The following TMPRSS7 variants were observed in gnomAD, a reference collection of about 807,000 sequenced individuals.
TMPRSS7 encodes the protein transmembrane protease serine 7.
Under a neutral mutation model 95.6 loss-of-function variants are expected in TMPRSS7, and 81 were observed. The observed-to-expected ratio is 0.85, with a 90% confidence interval of 0.71 to 1.02. The LOEUF (loss-of-function observed/expected upper bound fraction) is 1.02, where lower values mean the gene tolerates loss of function less well. TMPRSS7 is among the 50% of genes least tolerant of loss of function. The probability of loss-of-function intolerance (pLI) is 0.00; values close to 1 mark genes in which losing one functional copy is unlikely to be tolerated. For missense variants in TMPRSS7, 945 were observed against 955.2 expected, an observed-to-expected ratio of 0.99 and a Z score of 0.14; for synonymous variants, 364 against 337.8, an observed-to-expected ratio of 1.08 and a Z score of -0.85.
intron 2 of TMPRSS7, chr3:112,039,703 T>G (rs952977933): frequency 6.6e-6 from 1 of 152,264 alleles, no homozygotes; most frequent in Non-Finnish European, 1.5e-5. Context: ...TGTAGGTACT[T>G]CTTCATCTGG....
At chr3:112,073,238 C>T (rs888129418) in intron 13 of TMPRSS7, among the ~76,000 whole-genome samples, 4 of 151,778 alleles carry the variant, frequency 2.6e-5, no homozygotes, top group African/African-American at 9.7e-5. Flanking sequence ...ATTACTGGTG[C>T]ACACCACCAT....
chr3:112,062,616 T>C (rs562412123), intron 11 of TMPRSS7, among the ~76,000 whole-genome samples: 1 of 152,342 alleles, frequency 6.6e-6, no homozygotes, highest in East Asian at 1.9e-4. Context: ...CAATCCCTAA[T>C]AGATCTTCTT....
chr3:112,037,736 T>C (rs2073161152), intron 1 of TMPRSS7, among the ~76,000 whole-genome samples: 1 of 152,158 alleles, frequency 6.6e-6, no homozygotes. Flanking sequence ...AAAATTTCTC[T>C]CTTTTGTACT....
At chr3:112,052,532 C>T (rs2073376879) in intron 9 of TMPRSS7, among the ~76,000 whole-genome samples, 1 of 151,928 alleles carries the variant, frequency 6.6e-6, no homozygotes, top group Non-Finnish European at 1.5e-5. Flanking sequence ...GGTGCTGGAC[C>T]CTTGCTCACT....
At chr3:112,039,163 C>T (rs1413581986) in intron 2 of TMPRSS7, among the ~76,000 whole-genome samples, 1 of 152,206 alleles carries the variant, frequency 6.6e-6, no homozygotes, top group Non-Finnish European at 1.5e-5. Flanking sequence ...AGAGTTCTCA[C>T]TTATGCAACA....
chr3:112,061,777 G>A lies in TMPRSS7; in HGVS notation c.1311-10G>A, dbSNP rs767847233. 6.3e-7 allele frequency: 1 copy of A among 1,593,498 alleles called. No homozygotes were observed. Among genetic ancestry groups the A allele is most frequent in the Non-Finnish European group, 8.6e-7 (1 of 1,169,022 alleles). ...AAGCTGTGTATTCTCCCCGACTCTT[G>A]TCTCCCCAGGTACTGTGGCTCCTAC... On this transcript the variant is annotated splice_polypyrimidine_tract_variant and intron_variant, in intron 10 of 17. Coordinates refer to ENST00000452346, the Ensembl canonical transcript of TMPRSS7.
intron 1 of TMPRSS7, among the ~76,000 whole-genome samples, chr3:112,035,922 T>C (rs1302049826): frequency 6.6e-6 from 1 of 152,232 alleles, no homozygotes; most frequent in Non-Finnish European, 1.5e-5. Flanking sequence ...TTTTAAATAA[T>C]TATTTCATTT....
chr3:112,037,926 T>C (rs1362023359), intron 1 of TMPRSS7, 146 bp from the exon 2 acceptor site: 3 of 599,456 alleles, frequency 5.0e-6, no homozygotes, highest in Non-Finnish European at 8.8e-6. Flanking sequence ...TATACTTATG[T>C]AAATAATTTG....
At chr3:112,076,405 G>T (rs1343895002) in intron 15 of TMPRSS7, among the ~76,000 whole-genome samples, 7 of 152,156 alleles carry the variant, frequency 4.6e-5, no homozygotes, top group Non-Finnish European at 5.9e-5. Context: ...CCAGTAGTTT[G>T]CCAGAAGGAA....
At chr3:112,050,980 C>A (rs1226027683) in intron 9 of TMPRSS7, among the ~76,000 whole-genome samples, 197 bp downstream of exon 9, 1 of 152,120 alleles carries the variant, frequency 6.6e-6, no homozygotes, top group Non-Finnish European at 1.5e-5. Context: ...TCTTAGCAGA[C>A]TGGGGCCTTT....
At chr3:112,077,787 C>T (rs865827428) in intron 16 of TMPRSS7, among the ~76,000 whole-genome samples, 1 of 152,208 alleles carries the variant, frequency 6.6e-6, no homozygotes, top group Non-Finnish European at 1.5e-5. Context: ...GTCCCTACAT[C>T]TACCCTGCCA....
At chr3:112,079,890 G>C (rs2073756901) in intron 17 of TMPRSS7, among the ~76,000 whole-genome samples, 1 of 152,184 alleles carries the variant, frequency 6.6e-6, no homozygotes, top group African/African-American at 2.4e-5. Context: ...GCTAGTAAGT[G>C]TAAATGTCTG....
intron 9 of TMPRSS7, among the ~76,000 whole-genome samples, chr3:112,054,061 C>T (rs1219200908): frequency 6.6e-6 from 1 of 152,174 alleles, no homozygotes; most frequent in African/African-American, 2.4e-5. Flanking sequence ...TTAGGAAATG[C>T]ACAAGATTCC....
intron 17 of TMPRSS7, among the ~76,000 whole-genome samples, chr3:112,080,414 C>A (rs2073763037): frequency 6.6e-6 from 1 of 152,068 alleles, no homozygotes; most frequent in Non-Finnish European, 1.5e-5. Context: ...TTGCATGGCC[C>A]AGAGATAGAA....
intron 9 of TMPRSS7, among the ~76,000 whole-genome samples, chr3:112,053,474 A>G (rs1224979187): frequency 6.6e-6 from 1 of 152,198 alleles, no homozygotes; most frequent in Non-Finnish European, 1.5e-5. Flanking sequence ...CAGGCTCTAT[A>G]TGGGGATGCC....
exon 7 of TMPRSS7, chr3:112,047,966 A>G (rs1414939516): frequency 6.2e-7 from 1 of 1,611,522 alleles, no homozygotes; most frequent in South Asian, 1.1e-5. Flanking sequence ...CATCTTGTAC[A>G]GGTACGATGC....
At chr3:112,038,831 C>A (rs78436335) in intron 2 of TMPRSS7, among the ~76,000 whole-genome samples, 56 of 145,556 alleles carry the variant, frequency 3.8e-4, no homozygotes, top group Middle Eastern at 7.1e-3. Flanking sequence ...TTTCTCATTT[C>A]TTTTTTTTTT....
At chr3:112,078,555 C>A (rs1173019626) in intron 16 of TMPRSS7, among the ~76,000 whole-genome samples, 187 bp from the exon 17 acceptor site, 1 of 152,192 alleles carries the variant, frequency 6.6e-6, no homozygotes, top group Non-Finnish European at 1.5e-5. Flanking sequence ...TGTCACTGGG[C>A]AAGCCCTTTA....
chr3:112,042,590 C>T (rs1303705727), intron 3 of TMPRSS7, among the ~76,000 whole-genome samples: 1 of 152,154 alleles, frequency 6.6e-6, no homozygotes. Flanking sequence ...GAGAATAGTG[C>T]AATATTGGAA....
Sources: allele counts gnomAD v4.1 joint callset (sites outside exome capture counted in the v4.1 genomes callset), GRCh38; gene constraint gnomAD v4.1.1; transcripts MANE v1.5; gene names NCBI Gene and HGNC (gene_info 2026-07-23, HGNC 2026-07-21).